The following LARGE1 variants were observed in gnomAD, a reference collection of about 807,000 sequenced individuals.
LARGE1 encodes xylosyl- and glucuronyltransferase LARGE1.
In LARGE1, 43 loss-of-function variants were observed where a neutral mutation model predicts 87.6. That is an observed-to-expected ratio of 0.49 (90% CI 0.38 to 0.63). The LOEUF (loss-of-function observed/expected upper bound fraction) is 0.63. LARGE1 is among the 30% of genes least tolerant of loss of function. The pLI is 0.00. For synonymous variants in LARGE1, 434 were observed against 394.6 expected (o/e 1.10, Z -1.18); for missense variants, 802 against 1,000.2 (o/e 0.80, Z 2.67).
intron 1 of LARGE1, among the ~76,000 whole-genome samples, chr22:33,778,666 T>C (rs1048987700): frequency 6.6e-6 from 1 of 152,164 alleles, no homozygotes; most frequent in African/African-American, 2.4e-5. Context: ...CCTTTTTTTT[T>C]TGGAGAAAGA....
At chr22:33,584,664 C>T (rs971269650) in intron 5 of LARGE1, among the ~76,000 whole-genome samples, 1 of 147,642 alleles carries the variant, frequency 6.8e-6, no homozygotes, top group Admixed American at 6.7e-5. Context: ...AGCTGGTTTC[C>T]CTGTGCTACT....
chr22:33,671,179 T>TA (rs940908962), intron 2 of LARGE1, among the ~76,000 whole-genome samples: 8 of 152,010 alleles, frequency 5.3e-5, no homozygotes, highest in South Asian at 2.1e-4. Context: ...CAGGGGGAGC[T>TA]AAAAAAGAGT....
intron 6 of LARGE1, among the ~76,000 whole-genome samples, chr22:33,534,683 G>C (rs114509292): frequency 1.3e-5 from 2 of 152,206 alleles, no homozygotes; most frequent in Admixed American, 6.5e-5. Context: ...CCTCCGAGGC[G>C]GGGCTGCCCC....
intron 1 of LARGE1, among the ~76,000 whole-genome samples, chr22:33,839,939 T>A (rs1208171473): frequency 1.3e-5 from 2 of 152,114 alleles, no homozygotes; most frequent in East Asian, 3.9e-4. Context: ...CCAGATGCAT[T>A]CAACCCTAAA....
intron 1 of LARGE1, among the ~76,000 whole-genome samples, chr22:33,802,007 G>A (rs2086175947): frequency 6.7e-6 from 1 of 148,754 alleles, no homozygotes; most frequent in African/African-American, 2.5e-5. Flanking sequence ...AAAGTCCTCT[G>A]AAAAAATGCC....
At chr22:33,159,729 C>T (rs1921963539), downstream of LARGE1, among the ~76,000 whole-genome samples, 1 of 151,810 alleles carries the variant, frequency 6.6e-6, no homozygotes, top group South Asian at 2.1e-4. Context: ...GGACTACAGG[C>T]ACCCGCCACC....
intron 1 of LARGE1, among the ~76,000 whole-genome samples, chr22:33,857,454 T>C (rs998948738): frequency 6.6e-6 from 1 of 152,232 alleles, no homozygotes; most frequent in Admixed American, 6.5e-5. Flanking sequence ...TTAAATTACA[T>C]GTTCACTTGC....
At chr22:33,730,784 C>T (rs1456202508) in intron 2 of LARGE1, among the ~76,000 whole-genome samples, 2 of 151,746 alleles carry the variant, frequency 1.3e-5, no homozygotes, top group East Asian at 3.9e-4. Context: ...TCCGCGCCTC[C>T]CTGGTTCAAG....
chr22:33,406,734 A>G (rs918865161), intron 7 of LARGE1, among the ~76,000 whole-genome samples: 27 of 152,254 alleles, frequency 1.8e-4, no homozygotes, highest in African/African-American at 2.9e-4. Context: ...TGATGACTCC[A>G]TAAGTAAAAT....
chr22:33,232,139 A>G (rs1471695853), intron 11 of LARGE1, among the ~76,000 whole-genome samples: 1 of 152,206 alleles, frequency 6.6e-6, no homozygotes, highest in Non-Finnish European at 1.5e-5. Flanking sequence ...CTCTCTGCCT[A>G]AAAGTTATTT....
intron 3 of LARGE1, among the ~76,000 whole-genome samples, chr22:33,634,641 T>C (rs942198117): frequency 6.6e-6 from 1 of 151,526 alleles, no homozygotes; most frequent in Non-Finnish European, 1.5e-5. Flanking sequence ...GAGATGAGAA[T>C]GGGTATAGGC....
chr22:33,752,389 C>T (rs2145647099), intron 2 of LARGE1, among the ~76,000 whole-genome samples: 1 of 152,086 alleles, frequency 6.6e-6, no homozygotes, highest in Admixed American at 6.5e-5. Context: ...AAATTGGTAT[C>T]CAAAATCAAA....
chr22:33,719,531 A>ATTTATTTT lies in LARGE1; in HGVS notation c.106+41839_106+41840insAAAATAAA, dbSNP rs1202304747. ...TATTTATTTATTTATTTATTTATTTATTTTTTTGAGACAGAGTCTCACTCT... is the reference window on the plus strand; with the variant it reads ...TATTTATTTATTTATTTATTTATTTATTTATTTTTTTTTTTGAGACAGAGTCTCACTCT... On this transcript the variant is annotated intron_variant, in intron 2 of 14. Transcript: ENST00000397394. Among the ~76,000 whole-genome samples the ATTTATTTT allele has an allele frequency of 2.2e-3, 331 of 149,790 alleles. 1 individual carries two copies. Among genetic ancestry groups the ATTTATTTT allele is most frequent in the African/African-American group, 7.6e-3 (306 of 40,152 alleles).
Position 33,567,393 on chromosome 22 carries a change from T to C in LARGE1, c.616-2374A>G, listed in dbSNP as rs543020668. On this transcript the variant is annotated intron_variant, in intron 5 of 14. Transcript: ENST00000397394. The stretch of plus-strand genomic sequence containing the variant: ...CCTTCTTCCTGATCCCTCTATCTTA[T>C]TCCATGTATTTAGCTATCAGTGCCT... Among the ~76,000 whole-genome samples the C allele has an allele frequency of 2.2e-3, 339 of 152,316 alleles. 4 individuals are homozygous for C. The highest frequency in any genetic ancestry group is 6.9e-3 in the African/African-American group (286 of 41,580).
At chr22:33,884,943 A>AT (rs1337495034) in intron 1 of LARGE1, among the ~76,000 whole-genome samples, 1 of 152,150 alleles carries the variant, frequency 6.6e-6, no homozygotes, top group Non-Finnish European at 1.5e-5. Context: ...GAGGCTTTCC[A>AT]TGGGGGGGAG....
At chr22:33,450,430 C>A (rs2067862424) in intron 6 of LARGE1, among the ~76,000 whole-genome samples, 1 of 142,372 alleles carries the variant, frequency 7.0e-6, no homozygotes, top group Admixed American at 6.9e-5. Flanking sequence ...GGTGAAACCC[C>A]ATCTCTACTA....
chr22:33,541,759 A>AC (rs927160492), intron 6 of LARGE1, among the ~76,000 whole-genome samples: 11 of 151,860 alleles, frequency 7.2e-5, no homozygotes, highest in Non-Finnish European at 1.5e-4. Context: ...AAAAAAAAAA[A>AC]AAAAGGCAGT....
chr22:33,462,636 C>T (rs1319993382), intron 6 of LARGE1, among the ~76,000 whole-genome samples: 1 of 152,052 alleles, frequency 6.6e-6, no homozygotes, highest in Non-Finnish European at 1.5e-5. Context: ...CAAAAATTAG[C>T]CGGGTGTGGT....
chr22:33,399,669 C>G (rs978509789), intron 7 of LARGE1, among the ~76,000 whole-genome samples: 1 of 152,182 alleles, frequency 6.6e-6, no homozygotes, highest in African/African-American at 2.4e-5. Flanking sequence ...CTGCCTCAGC[C>G]TCCTGAGTAG....
Sources: gnomAD v4.1 joint callset for allele counts (sites outside exome capture counted in the v4.1 genomes callset) on GRCh38, gnomAD v4.1.1 for gene constraint, MANE v1.5 for transcripts, NCBI Gene and HGNC (gene_info 2026-07-23, HGNC 2026-07-21) for gene names.